The following CCDC175 variants were observed in gnomAD, a reference collection of about 807,000 sequenced individuals.
CCDC175 encodes coiled-coil domain containing 175, also known as coiled-coil domain-containing protein 175.
CCDC175 carries 100 observed loss-of-function variants against 114.6 expected under a neutral mutation model. The observed-to-expected ratio is 0.87, with a 90% CI of 0.74 to 1.03. The LOEUF (loss-of-function observed/expected upper bound fraction) is 1.03, where lower values mean the gene tolerates loss of function less well. CCDC175 is among the 50% of genes least tolerant of loss of function. The pLI is 0.00. For missense variants in CCDC175, 880 were observed against 917.8 expected (o/e 0.96, Z 0.53); for synonymous variants, 306 against 308.7 (o/e 0.99, Z 0.09).
intron 13 of CCDC175, among the ~76,000 whole-genome samples, chr14:59,537,375 G>A (rs1325379940): frequency 1.3e-5 from 2 of 152,130 alleles, no homozygotes; most frequent in African/African-American, 4.8e-5. Flanking sequence ...TCATCCTGCA[G>A]TATGGGGTTA....
In CCDC175 at chr14:59,505,169, A is replaced by T. The variant is rs920716801; in HGVS notation, c.*70T>A. 5 of 717,988 alleles carry T rather than the reference A, an allele frequency of 7.0e-6. No individual in the cohort carries two copies. The Admixed American group carries it at 1.3e-4, about 18-fold the overall frequency. 44.5% of individuals were successfully genotyped at this position (717,988 alleles called of 1,614,324 possible). Reference sequence around the variant, plus strand: ...AGACTTCTATTAACAGCTGCAAAATATGAAAGTAAGTGCACTCACTTTTCC... The same window carrying T: ...AGACTTCTATTAACAGCTGCAAAATTTGAAAGTAAGTGCACTCACTTTTCC... On this transcript the variant is annotated 3_prime_UTR_variant, in exon 20 of 20. Coordinates refer to ENST00000537690, the MANE Select transcript of CCDC175 (RefSeq NM_001164399.2).
chr14:59,516,271 A>G (rs1443601421), intron 17 of CCDC175, among the ~76,000 whole-genome samples: 1 of 152,246 alleles, frequency 6.6e-6, no homozygotes, highest in Non-Finnish European at 1.5e-5. Flanking sequence ...GAGAAGCAAG[A>G]GCAAACACAT....
At chr14:59,514,536 C>T (rs947206336) in intron 17 of CCDC175, among the ~76,000 whole-genome samples, 1 of 151,916 alleles carries the variant, frequency 6.6e-6, no homozygotes, top group Non-Finnish European at 1.5e-5. Flanking sequence ...CCTCAGTAGC[C>T]GATTAGATCA....
intron 19 of CCDC175, among the ~76,000 whole-genome samples, chr14:59,508,614 A>G (rs1385655478): frequency 6.7e-6 from 1 of 149,838 alleles, no homozygotes; most frequent in Non-Finnish European, 1.5e-5. Flanking sequence ...CCTGGCTGCT[A>G]TGGTCTGAGA....
Position 59,543,488 on chromosome 14 carries a change from T to G in CCDC175, c.1173-34A>C, listed in dbSNP as rs1014676752. ...AAAAACAGAGTTATTTGTTGAAGGC[T>G]GACATAAATATGCAAACACAAATAA... On this transcript the variant is annotated intron_variant, in intron 9 of 19. Coordinates refer to ENST00000537690, the MANE Select transcript of CCDC175 (RefSeq NM_001164399.2). 8.4e-6 allele frequency: 7 copies of G among 833,100 alleles called. No homozygotes were observed. In the African/African-American group the frequency reaches 1.2e-4, roughly 15 times the overall value. The allele number at this position is 833,100 out of a possible 1,614,324, so 51.6% of individuals were successfully genotyped here.
intron 14 of CCDC175, among the ~76,000 whole-genome samples, chr14:59,529,707 T>G (rs970094143): frequency 2.6e-5 from 4 of 152,194 alleles, no homozygotes; most frequent in Admixed American, 6.6e-5. Flanking sequence ...GTCTTGGTAC[T>G]TATGGATTTG....
chr14:59,533,761 G>A (rs542569202), intron 13 of CCDC175, among the ~76,000 whole-genome samples: 1 of 152,176 alleles, frequency 6.6e-6, no homozygotes, highest in African/African-American at 2.4e-5. Context: ...GGCAGAGGCG[G>A]GCAGATCACA....
At chr14:59,560,459 G>T (rs1896165573) in intron 7 of CCDC175, among the ~76,000 whole-genome samples, 1 of 152,096 alleles carries the variant, frequency 6.6e-6, no homozygotes, top group South Asian at 2.1e-4. Context: ...TGAAATCTGG[G>T]GATTTTCGGG....
At chr14:59,542,585 T>G (rs1435101954) in intron 10 of CCDC175, among the ~76,000 whole-genome samples, 1 of 152,248 alleles carries the variant, frequency 6.6e-6, no homozygotes, top group Non-Finnish European at 1.5e-5. Context: ...AAATACAGTA[T>G]AGTATAATGT....
chr14:59,552,362 T>C (rs1895569917), intron 7 of CCDC175, among the ~76,000 whole-genome samples: 1 of 152,240 alleles, frequency 6.6e-6, no homozygotes, highest in Non-Finnish European at 1.5e-5. Flanking sequence ...AAACAGGGTC[T>C]GGAGTGGACC....
At chr14:59,509,537 G>A (rs1892634996) in intron 19 of CCDC175, among the ~76,000 whole-genome samples, 1 of 152,112 alleles carries the variant, frequency 6.6e-6, no homozygotes, top group Non-Finnish European at 1.5e-5. Context: ...TTTTAAGACA[G>A]GGTCTCACTC....
chr14:59,521,676 A>G lies in CCDC175; in HGVS notation c.1996T>C (p.Tyr666His). ...ATGTTATTCTTCAAGTATAAAATAT[A>G]CTGAAAATTAAAAGCATGTGATTGC... ...LLLENKKLKE[Y>H]ILYLKNNIEK... Residue 666 changes from tyrosine (Y) to histidine (H), a missense_variant and splice_region_variant, in exon 17 of 20, where the codon TAT becomes CAT. By Grantham distance (83) the Tyr-to-His change is moderately conservative. Transcript: ENST00000537690. The G allele has an allele frequency of 6.8e-7, 1 of 1,465,170 alleles. No homozygotes were observed. Among genetic ancestry groups the G allele is most frequent in the South Asian group, 1.2e-5 (1 of 82,286 alleles). 90.8% of individuals were successfully genotyped at this position (1,465,170 alleles called of 1,614,324 possible).
chr14:59,545,082 G>C, intron 9 of CCDC175, 81 bp downstream of exon 9: 4 of 1,313,260 alleles, frequency 3.0e-6, no homozygotes, highest in African/African-American at 1.5e-5. Flanking sequence ...ATAAGTTTAA[G>C]TGGAGAGCCA....
chr14:59,515,524 C>T (rs1277471269), intron 17 of CCDC175, among the ~76,000 whole-genome samples: 1 of 152,104 alleles, frequency 6.6e-6, no homozygotes, highest in African/African-American at 2.4e-5. Context: ...ATCCTAGTCT[C>T]TCATAAAACA....
Position 59,531,852 on chromosome 14 carries a change from T to C in CCDC175, c.1682A>G (p.Tyr561Cys), listed in dbSNP as rs1894092168. The C allele has an allele frequency of 5.1e-6, 7 of 1,379,474 alleles. No homozygotes were observed. The highest frequency in any genetic ancestry group is 5.0e-6 in the Non-Finnish European group (5 of 1,007,052). The allele number at this position is 1,379,474 out of a possible 1,614,324, so 85.5% of individuals were successfully genotyped here. Residue 561 changes from tyrosine (Y) to cysteine (C), a missense_variant, in exon 14 of 20, where the codon TAT becomes TGT. Physicochemically the swap from Tyr to Cys is radical, Grantham distance 194 (BLOSUM62 -2). Transcript: ENST00000537690. ...NKEKEEELVE[Y>C]LPQLQVAEQE... is the part of the protein sequence containing the mutation. ...TTCTGCCACCTGAAGTTGTGGAAGA[T>C]ACTCAACTAGTTCTTCTTCCTTTTC...
At chr14:59,535,757 T>C (rs992932891) in intron 13 of CCDC175, among the ~76,000 whole-genome samples, 2 of 152,242 alleles carry the variant, frequency 1.3e-5, no homozygotes, top group African/African-American at 4.8e-5. Context: ...AAAGTACTTA[T>C]GATGGCCTAT....
chr14:59,548,973 G>T (rs1306347443), intron 8 of CCDC175, among the ~76,000 whole-genome samples: 1 of 152,230 alleles, frequency 6.6e-6, no homozygotes, highest in African/African-American at 2.4e-5. Context: ...CAAGAAGATA[G>T]ATGAGGAACT....
intron 8 of CCDC175, among the ~76,000 whole-genome samples, chr14:59,548,401 G>A (rs992643755): frequency 6.6e-6 from 1 of 152,156 alleles, no homozygotes; most frequent in Admixed American, 6.5e-5. Context: ...GTCACTAAGA[G>A]CCCATAGTTT....
At chr14:59,506,275 A>ATTTTT (rs35322741) in intron 19 of CCDC175, among the ~76,000 whole-genome samples, 12 of 136,032 alleles carry the variant, frequency 8.8e-5, no homozygotes, top group Non-Finnish European at 1.1e-4. Flanking sequence ...GAGCACAGGG[A>ATTTTT]TTTTTTTTTT....
Sources: gnomAD v4.1 joint callset for allele counts (sites outside exome capture counted in the v4.1 genomes callset) on GRCh38, gnomAD v4.1.1 for gene constraint, MANE v1.5 for transcripts, NCBI Gene and HGNC (gene_info 2026-07-23, HGNC 2026-07-21) for gene names.